EDRF1: variants seen among roughly 807,000 people sequenced by gnomAD.
The protein encoded by EDRF1 is erythroid differentiation-related factor 1.
Under a neutral mutation model 148.7 loss-of-function variants are expected in EDRF1, and 69 were observed. The ratio of observed to expected loss-of-function variants is 0.46; its 90% CI spans 0.38 to 0.57. The LOEUF (loss-of-function observed/expected upper bound fraction) is 0.57. Among genes scored for constraint, EDRF1 ranks in the 20% least tolerant of loss-of-function variants. EDRF1 has a pLI of 0.00. For synonymous variants in EDRF1, 515 were observed against 532.8 expected (o/e 0.97, Z 0.46); for missense variants, 1,118 against 1,478.7 (o/e 0.76, Z 4.00).
intron 6 of EDRF1, 58 bp from the exon 7 acceptor site, chr10:125,728,945 G>A: frequency 3.0e-6 from 4 of 1,334,426 alleles, no homozygotes; most frequent in East Asian, 2.5e-5. Flanking sequence ...CTCAAAAGTG[G>A]GTCAATTTTA....
In EDRF1 at chr10:125,725,487, G is replaced by A. The variant is rs1033955633; in HGVS notation, c.635+45G>A. 8 of 1,610,590 alleles carry A rather than the reference G, an allele frequency of 5.0e-6. No individual in the cohort carries two copies. The African/African-American group carries it at 1.1e-4, about 22-fold the overall frequency. On this transcript the variant is annotated intron_variant, in intron 5 of 24. Coordinates refer to ENST00000356792, the MANE Select transcript of EDRF1 (RefSeq NM_001202438.2). ...TCTCTAAAGAGAAAAAGGGAATTCT[G>A]ATCTAAAATTTAGTGTGAAGCTTAA...
chr10:125,747,235 A>C (rs1849405449), intron 19 of EDRF1: 2 of 304,720 alleles, frequency 6.6e-6, no homozygotes, highest in South Asian at 5.0e-5. Context: ...AAAGAAAAAA[A>C]AAAACAAAGG....
chr10:125,727,338 A>G (rs1848305932), intron 6 of EDRF1, among the ~76,000 whole-genome samples: 1 of 152,206 alleles, frequency 6.6e-6, no homozygotes, highest in Admixed American at 6.5e-5. Context: ...TCAGCTTTAG[A>G]GATTTGTTTA....
chr10:125,728,431 A>G (rs1414802021), intron 6 of EDRF1, among the ~76,000 whole-genome samples: 1 of 152,200 alleles, frequency 6.6e-6, no homozygotes, highest in Non-Finnish European at 1.5e-5. Context: ...TTTCCCAGGA[A>G]CTAGTGTTCT....
chr10:125,729,403 G>T lies in EDRF1; in HGVS notation c.940G>T (p.Asp314Tyr). The change falls in exon 8 of 25, where the codon GAT becomes TAT. Residue 314 changes from aspartate to tyrosine, a missense_variant. Asp to Tyr is a radical substitution (Grantham distance 160). Around this residue, in one of 3 missense-constraint regions of EDRF1, gnomAD observed 954 missense variants for 1,241.4 expected, o/e 0.77. Coordinates refer to ENST00000356792, the MANE Select transcript of EDRF1 (RefSeq NM_001202438.2). ...TCGGAATATTCTATGGACATTTGAA[G>T]ATATCCATATGTTGGTCGGCTCCAA... is the stretch of plus-strand genomic sequence containing the variant. ...FVRNILWTFE[D>Y]IHMLVGSNMP... 1 of 1,612,996 alleles carries T rather than the reference G, an allele frequency of 6.2e-7. No individual in the cohort carries two copies. The highest frequency in any genetic ancestry group is 8.5e-7 in the Non-Finnish European group (1 of 1,178,982).
chr10:125,729,825 G>A (rs1038442649), intron 8 of EDRF1, among the ~76,000 whole-genome samples: 2 of 152,180 alleles, frequency 1.3e-5, no homozygotes, highest in Non-Finnish European at 2.9e-5. Context: ...CTAGTCTTAG[G>A]TCTGAATCTA....
At chr10:125,729,167 T>C in intron 7 of EDRF1, 63 bp downstream of exon 7, 1 of 1,500,310 alleles carries the variant, frequency 6.7e-7, no homozygotes, top group Non-Finnish European at 9.0e-7. Context: ...ATTTCAAAAC[T>C]AGCCTAAGTC....
Position 125,764,127 on chromosome 10 carries a change from T to G in EDRF1, c.*655T>G, listed in dbSNP as rs1475723113. On this transcript the variant is annotated 3_prime_UTR_variant, in exon 25 of 25. Transcript: ENST00000356792. ...AGAAAACTATTTTGAATAAATAAACTATTTATTTAAAATGTCTTTGTATTT... is the reference window on the plus strand; with the variant it reads ...AGAAAACTATTTTGAATAAATAAACGATTTATTTAAAATGTCTTTGTATTT... 6.5e-6 allele frequency: 1 copy of G among 152,694 alleles called. No individual in the cohort carries two copies. The highest frequency in any genetic ancestry group is 2.4e-5 in the African/African-American group (1 of 41,462). 9.5% of individuals were successfully genotyped at this position (152,694 alleles called of 1,614,324 possible).
At position 125,719,717 on chromosome 10, in the gene EDRF1, G is replaced by C. The variant is rs1847877548; in HGVS notation, c.-91G>C. 5 of 934,298 alleles carry C rather than the reference G, an allele frequency of 5.4e-6. No homozygotes were observed. The highest frequency in any genetic ancestry group is 1.7e-5 in the South Asian group (1 of 57,412). The allele number at this position is 934,298 out of a possible 1,614,324, so 57.9% of individuals were successfully genotyped here. On this transcript the variant is annotated 5_prime_UTR_variant, in exon 1 of 25. Transcript: ENST00000356792. Reference sequence around the variant, plus strand: ...GCAGAGACCGGAAGTGCGGTCCGCGGAGCGTCTCTGGCGCTTACCCTGCTT... The same window carrying C: ...GCAGAGACCGGAAGTGCGGTCCGCGCAGCGTCTCTGGCGCTTACCCTGCTT...
rs367871375 is a variant in EDRF1 at position 125,759,811 on chromosome 10, C to T, written c.3546-3490C>T. ...CTGCAAGCTCCGCCTCCCAGGTTCA[C>T]GCCATTCTCCTGCCTCAGCCTCCCG... is the stretch of plus-strand genomic sequence containing the variant. On this transcript the variant is annotated intron_variant, in intron 24 of 24. Coordinates refer to ENST00000356792, the MANE Select transcript of EDRF1 (RefSeq NM_001202438.2). Among the ~76,000 whole-genome samples, 131 of 151,996 alleles carry T rather than the reference C, an allele frequency of 8.6e-4. 2 individuals carry two copies. In the South Asian group the frequency reaches 0.012, roughly 14 times the overall value.
intron 13 of EDRF1, among the ~76,000 whole-genome samples, chr10:125,737,593 G>A (rs1223247528): frequency 2.0e-5 from 3 of 152,132 alleles, no homozygotes; most frequent in Admixed American, 1.3e-4. Context: ...ATTAAACAAC[G>A]AGAATATTGG....
intron 3 of EDRF1, among the ~76,000 whole-genome samples, chr10:125,723,593 G>A (rs909753480): frequency 6.6e-6 from 1 of 152,106 alleles, no homozygotes; most frequent in Non-Finnish European, 1.5e-5. Flanking sequence ...ATGTTTGACT[G>A]TCACTAACAT....
In EDRF1 at chr10:125,738,351, C is replaced by T; in HGVS notation, c.1887C>T (p.Asp629=). Residue 629 remains aspartate, a synonymous_variant, in exon 15 of 25, where the codon GAC becomes GAT. Coordinates refer to ENST00000356792, the MANE Select transcript of EDRF1 (RefSeq NM_001202438.2). ...AAGAAAGCGACCTTCCAGCAGCTGA[C>T]CCCAGCACTCCAATCCCGTTAAAAT... is the stretch of plus-strand genomic sequence containing the variant. ...IKKESDLPAA[D]PSTPIPLKYE... The T allele has an allele frequency of 1.2e-6, 2 of 1,614,068 alleles. No homozygotes were observed.
chr10:125,747,339 A>G, intron 19 of EDRF1, 197 bp from the exon 20 acceptor site: 2 of 644,344 alleles, frequency 3.1e-6, no homozygotes, highest in South Asian at 1.9e-5. Context: ...AGTGGTCTTC[A>G]GTCTACTCGG....
chr10:125,748,507 C>G (rs1195039596), intron 21 of EDRF1: 1 of 181,700 alleles, frequency 5.5e-6, no homozygotes, highest in Non-Finnish European at 1.2e-5. Context: ...AAGGCACTTC[C>G]TTCCGAGAGA....
In EDRF1 at chr10:125,721,427, G is replaced by A; in HGVS notation, c.317+15G>A. ...CCATTTTCAAGGTAAATATTAATCAGTGGCATTTTTACCTGCCCCTCCACC... is the reference window on the plus strand; with the variant it reads ...CCATTTTCAAGGTAAATATTAATCAATGGCATTTTTACCTGCCCCTCCACC... On this transcript the variant is annotated intron_variant, in intron 2 of 24. Transcript: ENST00000356792. 1 of 1,613,058 alleles carries A rather than the reference G, an allele frequency of 6.2e-7. No individual in the cohort carries two copies. Among genetic ancestry groups the A allele is most frequent in the South Asian group, 1.1e-5 (1 of 91,014 alleles).
chr10:125,750,417 C>T (rs1161447199), intron 22 of EDRF1: 2 of 152,208 alleles, frequency 1.3e-5, no homozygotes, highest in Non-Finnish European at 2.9e-5. Context: ...TTCCTAAGTT[C>T]TCCCCCTCTC....
intron 17 of EDRF1, among the ~76,000 whole-genome samples, chr10:125,741,843 C>T (rs1662167198): frequency 1.3e-5 from 2 of 152,066 alleles, no homozygotes. Flanking sequence ...AGTACATGCG[C>T]CACCACACCT....
intron 16 of EDRF1, 72 bp downstream of exon 16, chr10:125,740,723 T>G: frequency 6.7e-7 from 1 of 1,497,166 alleles, no homozygotes; most frequent in Non-Finnish European, 9.2e-7. Flanking sequence ...TGAATCACAG[T>G]GGAAGTTTAC....
Sources: allele counts gnomAD v4.1 joint callset (sites outside exome capture counted in the v4.1 genomes callset), GRCh38; gene constraint gnomAD v4.1.1; regional missense constraint gnomAD v4.1.1; transcripts MANE v1.5; gene names NCBI Gene and HGNC (gene_info 2026-07-23, HGNC 2026-07-21).